Variants in SMIM7 observed in about 807,000 individuals in gnomAD.
The protein encoded by SMIM7 is small integral membrane protein 7.
In SMIM7, 12 loss-of-function variants were observed where a neutral mutation model predicts 13.3. The ratio of observed to expected loss-of-function variants is 0.90; its 90% CI spans 0.58 to 1.46. SMIM7 has a LOEUF of 1.46. SMIM7 is among the 40% of genes most tolerant of loss of function. The pLI, the probability that SMIM7 is intolerant of heterozygous loss-of-function variation, is 0.00. For missense variants in SMIM7, 114 were observed against 94.8 expected, an observed-to-expected ratio of 1.20 and a Z score of -0.84; for synonymous variants, 36 against 35.8, an observed-to-expected ratio of 1.01 and a Z score of -0.02.
chr19:16,638,561 GCCTC>G (rs1405136885), intron 4 of SMIM7, among the ~76,000 whole-genome samples: 1 of 151,954 alleles, frequency 6.6e-6, no homozygotes, highest in Non-Finnish European at 1.5e-5. Flanking sequence ...ACCCACCTCA[GCCTC>G]CCTAAGTGTT....
chr19:16,631,711 T>A (rs1479532972), exon 5 of SMIM7: 1 of 152,078 alleles, frequency 6.6e-6, no homozygotes, highest in Non-Finnish European at 1.5e-5. Flanking sequence ...ATCAGACATG[T>A]CAGAAGCAAG....
intron 4 of SMIM7, chr19:16,639,837 C>A (rs1163891888): frequency 6.6e-6 from 1 of 152,244 alleles, no homozygotes; most frequent in Non-Finnish European, 1.5e-5. Flanking sequence ...ATGTTTGTTT[C>A]CCCATCCGCC....
intron 4 of SMIM7, chr19:16,633,911 G>A (rs1036986423): frequency 1.3e-5 from 2 of 152,178 alleles, no homozygotes; most frequent in Non-Finnish European, 2.9e-5. Flanking sequence ...CTGATAGATA[G>A]AATGACAGAT....
At position 16,659,437 on chromosome 19, in the gene SMIM7, CCTT is replaced by C. The variant is rs1159704178; in HGVS notation, c.76_78del (p.Lys26del). 6.8e-6 allele frequency: 11 copies of C among 1,613,278 alleles called. No individual in the cohort carries two copies. Among genetic ancestry groups the C allele is most frequent in the Admixed American group, 5.0e-5 (3 of 59,900 alleles). On this transcript the variant is annotated inframe_deletion, in exon 3 of 5. Transcript: ENST00000487416. ...GACTCCTCCCCAAAGCCCTGCGTGT[CCTT>C]CTTTTTCCTACAAAGAGGAGCAGAC...
At chr19:16,641,712 C>T (rs2086405324), downstream of SMIM7, among the ~76,000 whole-genome samples, 2 of 152,176 alleles carry the variant, frequency 1.3e-5, no homozygotes, top group Admixed American at 1.3e-4. Context: ...AATTCTCCTG[C>T]CTCAGCCTCC....
rs1214932152 is a variant in SMIM7, at chr19:16,647,173, T to C, written c.*73A>G. On this transcript the variant is annotated 3_prime_UTR_variant, in exon 5 of 5. Coordinates refer to ENST00000487416, the MANE Select transcript of SMIM7 (RefSeq NM_024104.4). The stretch of plus-strand genomic sequence containing the variant: ...TCGGTTTTCTGGTCAAAAACATTCT[T>C]GAAGTCATCAGGAATGGAGGAATGG... 2.5e-6 allele frequency: 4 copies of C among 1,597,872 alleles called. No homozygotes were observed. The highest frequency in any genetic ancestry group is 1.1e-5 in the South Asian group (1 of 90,130).
chr19:16,646,261 A>C lies in SMIM7; in HGVS notation c.*985T>G, dbSNP rs2086448223. The C allele has an allele frequency of 6.6e-6, 1 of 152,158 alleles. No individual in the cohort carries two copies. 9.4% of individuals were successfully genotyped at this position (152,158 alleles called of 1,614,324 possible). A position where few individuals can be genotyped will look rare whatever the true frequency, so the allele number is the denominator to read the frequency against. On this transcript the variant is annotated 3_prime_UTR_variant, in exon 5 of 5. Coordinates refer to ENST00000487416, the MANE Select transcript of SMIM7 (RefSeq NM_024104.4). ...CAAGTCAGGATTTCAAAAACCACCAACATTCAGGCTCATTCTTATTGGTAT... is the reference window on the plus strand; with the variant it reads ...CAAGTCAGGATTTCAAAAACCACCACCATTCAGGCTCATTCTTATTGGTAT...
intron 3 of SMIM7, 27 bp downstream of exon 3, chr19:16,659,368 C>A (rs773123581): frequency 2.5e-6 from 4 of 1,607,700 alleles, no homozygotes; most frequent in Admixed American, 1.7e-5. Context: ...GTGGACCATG[C>A]AATTCCAGGA....
At chr19:16,659,882 T>A (rs888024546) in intron 2 of SMIM7, 77 bp downstream of exon 2, 13 of 1,531,226 alleles carry the variant, frequency 8.5e-6, no homozygotes, top group African/African-American at 1.4e-5. Flanking sequence ...GCCTGAGAAG[T>A]GCGCCGAGAT....
At chr19:16,632,512 GA>G (rs2086329231) in intron 4 of SMIM7, among the ~76,000 whole-genome samples, 1 of 149,022 alleles carries the variant, frequency 6.7e-6, no homozygotes, top group Admixed American at 6.7e-5. Context: ...ACCAACGAAT[GA>G]AAAAAGTCAT....
chr19:16,658,360 T>G (rs1191089456), intron 3 of SMIM7, among the ~76,000 whole-genome samples: 1 of 152,166 alleles, frequency 6.6e-6, no homozygotes, highest in African/African-American at 2.4e-5. Flanking sequence ...ATGAAAGAAT[T>G]AATGAATGGA....
At chr19:16,643,749 C>T (rs1184892958), downstream of SMIM7, among the ~76,000 whole-genome samples, 1 of 152,134 alleles carries the variant, frequency 6.6e-6, no homozygotes, top group African/African-American at 2.4e-5. Flanking sequence ...TAAAGCCACA[C>T]CAATGGTATT....
intron 4 of SMIM7, among the ~76,000 whole-genome samples, chr19:16,633,605 C>T (rs1241414377): frequency 2.6e-5 from 4 of 151,972 alleles, no homozygotes; most frequent in Non-Finnish European, 2.9e-5. Context: ...CAGTGGCTCA[C>T]GCCTGCAGTC....
At chr19:16,636,206 A>T (rs2086360306) in intron 4 of SMIM7, 1 of 152,116 alleles carries the variant, frequency 6.6e-6, no homozygotes, top group South Asian at 2.1e-4. Flanking sequence ...TGGAAGATGG[A>T]GGAAGAGGCC....
At position 16,647,206 on chromosome 19, in the gene SMIM7, G is replaced by A. The variant is rs761546242; in HGVS notation, c.*40C>T. ...TCAGGAATGGAGGAATGGAGACTCGGCATCCCGGGAAAGTGAGTTCCTGGT... is the reference window on the plus strand; with the variant it reads ...TCAGGAATGGAGGAATGGAGACTCGACATCCCGGGAAAGTGAGTTCCTGGT... On this transcript the variant is annotated 3_prime_UTR_variant, in exon 5 of 5. Coordinates refer to ENST00000487416, the MANE Select transcript of SMIM7 (RefSeq NM_024104.4). The A allele has an allele frequency of 4.3e-6, 7 of 1,613,564 alleles. No individual in the cohort carries two copies. The highest frequency in any genetic ancestry group is 5.9e-6 in the Non-Finnish European group (7 of 1,179,712).
At chr19:16,631,093 G>GGAGA (rs1176662849) in exon 5 of SMIM7, 3 of 152,216 alleles carry the variant, frequency 2.0e-5, no homozygotes, top group Non-Finnish European at 2.9e-5. Context: ...AAAGAGAAAG[G>GGAGA]GAGAGGAAGG....
chr19:16,654,048 A>C lies in SMIM7; in HGVS notation c.199T>G (p.Phe67Val). The C allele has an allele frequency of 1.9e-6, 3 of 1,614,050 alleles. No individual in the cohort carries two copies. The highest frequency in any genetic ancestry group is 2.5e-6 in the Non-Finnish European group (3 of 1,179,974). The change falls in exon 4 of 5, where the codon TTC becomes GTC. Residue 67 changes from phenylalanine (F) to valine (V), a missense_variant. Coordinates refer to ENST00000487416, the MANE Select transcript of SMIM7 (RefSeq NM_024104.4). The part of the protein sequence containing the change: ...FIALWNIFMM[F>V]CMIVLFGS ...GGCTGGACTCACACAATCATGCAGAACATCATGAAGATGTTCCACAGGGCG... is the reference window on the plus strand; with the variant it reads ...GGCTGGACTCACACAATCATGCAGACCATCATGAAGATGTTCCACAGGGCG...
At chr19:16,642,124 T>C (rs930728969), downstream of SMIM7, among the ~76,000 whole-genome samples, 2 of 152,186 alleles carry the variant, frequency 1.3e-5, no homozygotes, top group Non-Finnish European at 2.9e-5. Flanking sequence ...ACCCACAGCT[T>C]ATCACTTCGG....
rs775948916 is a variant in SMIM7 at position 16,654,239 on chromosome 19, G to A, written c.122-114C>T. On this transcript the variant is annotated intron_variant, in intron 3 of 4. Coordinates refer to ENST00000487416, the MANE Select transcript of SMIM7 (RefSeq NM_024104.4). ...CCCGGCGCTTGCTGCCTCCAACTTC[G>A]GCAACAGTGTGGCTTTTCCTTTTGG... 15 of 772,040 alleles carry A rather than the reference G, an allele frequency of 1.9e-5. 1 individual carries two copies. Among genetic ancestry groups the A allele is most frequent in the African/African-American group, 1.9e-4 (11 of 58,866 alleles). 47.8% of individuals were successfully genotyped at this position (772,040 alleles called of 1,614,324 possible).
Sources: allele counts gnomAD v4.1 joint callset (sites outside exome capture counted in the v4.1 genomes callset), GRCh38; gene constraint gnomAD v4.1.1; transcripts MANE v1.5; gene names NCBI Gene and HGNC (gene_info 2026-07-23, HGNC 2026-07-21).